The following CTNNA3 variants were observed in gnomAD, a reference collection of about 807,000 sequenced individuals.
CTNNA3 encodes the protein catenin alpha 3.
Under a neutral mutation model 95.7 loss-of-function variants are expected in CTNNA3, and 76 were observed. The ratio of observed to expected loss-of-function variants is 0.79; its 90% CI spans 0.66 to 0.96. The LOEUF is 0.96. Among genes scored for constraint, CTNNA3 ranks in the 40% least tolerant of loss-of-function variants. The pLI is 0.00. For synonymous variants in CTNNA3, 431 were observed against 374.4 expected (o/e 1.15, Z -1.74); for missense variants, 1,191 against 1,089.8 (o/e 1.09, Z -1.31).
rs1848207659 is a variant in CTNNA3, at chr10:67,481,110, T to C, written c.579+40732A>G. Among the ~76,000 whole-genome samples the C allele has an allele frequency of 2.0e-5, 3 of 152,156 alleles. No individual in the cohort carries two copies. In the South Asian group the frequency reaches 6.2e-4, roughly 32 times the overall value. On this transcript the variant is annotated intron_variant, in intron 5 of 17. Coordinates refer to ENST00000433211, the MANE Select transcript of CTNNA3 (RefSeq NM_013266.4). ...TGGTGAATCACATTTTTTTTGTACA[T>C]GTTGAAGGAAGAGACCTCAAAATAA...
At chr10:66,318,276 A>ATATATATATG (rs33943741) in intron 12 of CTNNA3, among the ~76,000 whole-genome samples, 30 of 136,658 alleles carry the variant, frequency 2.2e-4, no homozygotes, top group African/African-American at 6.5e-4. Context: ...ATATATATAT[A>ATATATATATG]TGTGTGTGTG....
chr10:66,936,382 C>A (rs1847696155), intron 7 of CTNNA3, among the ~76,000 whole-genome samples: 1 of 152,076 alleles, frequency 6.6e-6, no homozygotes, highest in Admixed American at 6.6e-5. Context: ...AATTTACCCT[C>A]CTCTAAGTTT....
intron 17 of CTNNA3, among the ~76,000 whole-genome samples, chr10:65,957,928 C>T (rs1411547084): frequency 6.6e-6 from 1 of 152,120 alleles, no homozygotes; most frequent in South Asian, 2.1e-4. Flanking sequence ...TGAATGTTGG[C>T]CTGCCTTGCT....
chr10:67,602,774 A>T lies in CTNNA3; in HGVS notation c.292+4083T>A, dbSNP rs550708811. Among the ~76,000 whole-genome samples the T allele has an allele frequency of 3.9e-5, 6 of 152,336 alleles. No individual in the cohort carries two copies. The South Asian group carries it at 1.2e-3, about 32-fold the overall frequency. On this transcript the variant is annotated intron_variant, in intron 3 of 17. Transcript: ENST00000433211. ...TATTACCAGACAGTTTATGGAAACT[A>T]TGTTGTCAAATAGATCACATTTTCC...
intron 1 of CTNNA3, among the ~76,000 whole-genome samples, chr10:67,652,099 C>T (rs1839893459): frequency 6.6e-6 from 1 of 152,216 alleles, no homozygotes; most frequent in Non-Finnish European, 1.5e-5. Flanking sequence ...GCTTTCTGGT[C>T]TGCAGATGGC....
At chr10:66,327,292 A>C (rs2092265697) in intron 12 of CTNNA3, among the ~76,000 whole-genome samples, 1 of 152,148 alleles carries the variant, frequency 6.6e-6, no homozygotes, top group African/African-American at 2.4e-5. Flanking sequence ...CAGTGAATAA[A>C]TTGTGTTAAA....
chr10:66,834,306 A>T (rs1564712489), intron 7 of CTNNA3, among the ~76,000 whole-genome samples: 1 of 152,224 alleles, frequency 6.6e-6, no homozygotes. Flanking sequence ...TGTGCAAGAT[A>T]TTACGTCCTA....
At chr10:66,100,795 G>A (rs890552003) in intron 14 of CTNNA3, among the ~76,000 whole-genome samples, 2 of 152,100 alleles carry the variant, frequency 1.3e-5, no homozygotes, top group South Asian at 2.1e-4. Context: ...GTTTACCATC[G>A]TATATAATGT....
At chr10:66,901,143 C>G (rs1277847901) in intron 7 of CTNNA3, among the ~76,000 whole-genome samples, 4 of 152,110 alleles carry the variant, frequency 2.6e-5, no homozygotes, top group Admixed American at 2.6e-4. Context: ...GTCGGGTTAC[C>G]CACAAAAGGA....
intron 13 of CTNNA3, among the ~76,000 whole-genome samples, chr10:66,252,636 T>C (rs979288407): frequency 6.6e-6 from 1 of 152,150 alleles, no homozygotes; most frequent in Non-Finnish European, 1.5e-5. Context: ...GTTTAGAAAA[T>C]TCTTGCAGAA....
At chr10:66,989,656 C>T (rs989446166) in intron 7 of CTNNA3, among the ~76,000 whole-genome samples, 4 of 151,992 alleles carry the variant, frequency 2.6e-5, no homozygotes, top group Admixed American at 2.0e-4. Context: ...GAATAGCTTA[C>T]CTAACGTAAC....
In CTNNA3 at chr10:67,318,863, C is replaced by CA. The variant is rs371955994; in HGVS notation, c.580-98994dup. 3.3e-5 allele frequency among the ~76,000 whole-genome samples: 5 copies of CA among 152,298 alleles called. No individual in the cohort carries two copies. In the East Asian group the frequency reaches 9.7e-4, roughly 29 times the overall value. On this transcript the variant is annotated intron_variant, in intron 5 of 17. Coordinates refer to ENST00000433211, the MANE Select transcript of CTNNA3 (RefSeq NM_013266.4). The stretch of plus-strand genomic sequence containing the variant: ...GCACTTGTCATAATCTAGCTGTTCA[C>CA]AAAAAACTTAACATAGCAGACCTAA...
In CTNNA3 at chr10:66,638,511, C is replaced by T. The variant is rs567451387; in HGVS notation, c.1282-16727G>A. Among the ~76,000 whole-genome samples, 5 of 152,270 alleles carry T rather than the reference C, an allele frequency of 3.3e-5. No individual in the cohort carries two copies. In the East Asian group the frequency reaches 9.6e-4, roughly 29 times the overall value. ...ATTATATTCAATTGATATTAATAGG[C>T]TTAATCTATTCACTTGAAATTAATA... On this transcript the variant is annotated intron_variant, in intron 9 of 17. Coordinates refer to ENST00000433211, the MANE Select transcript of CTNNA3 (RefSeq NM_013266.4).
chr10:66,435,326 C>G (rs1256414114), intron 11 of CTNNA3, among the ~76,000 whole-genome samples: 2 of 152,040 alleles, frequency 1.3e-5, no homozygotes, highest in Non-Finnish European at 2.9e-5. Context: ...AATTTCAGAT[C>G]TTGTTATTGT....
intron 10 of CTNNA3, among the ~76,000 whole-genome samples, chr10:66,573,378 G>A (rs1842923477): frequency 6.6e-6 from 1 of 152,154 alleles, no homozygotes; most frequent in South Asian, 2.1e-4. Context: ...GTTGCTCGCA[G>A]CCCATAGCTT....
At chr10:67,020,743 T>C (rs1194691827) in intron 7 of CTNNA3, among the ~76,000 whole-genome samples, 1 of 152,078 alleles carries the variant, frequency 6.6e-6, no homozygotes, top group South Asian at 2.1e-4. Context: ...ATAATGAAAA[T>C]ACAAACTAGA....
At position 66,069,291 on chromosome 10, in the gene CTNNA3, GT is replaced by G; in HGVS notation, c.2159+16del. The stretch of plus-strand genomic sequence containing the variant: ...TCAGCCATTATGAATATTACACATC[GT>G]TTTCCACATAATTACCTAGTGAAGT... On this transcript the variant is annotated intron_variant, in intron 15 of 17. Transcript: ENST00000433211. 1 of 1,609,112 alleles carries G rather than the reference GT, an allele frequency of 6.2e-7. No individual in the cohort carries two copies. The highest frequency in any genetic ancestry group is 8.5e-7 in the Non-Finnish European group (1 of 1,176,212).
chr10:66,181,759 T>C (rs2086050279), intron 13 of CTNNA3, among the ~76,000 whole-genome samples: 1 of 152,212 alleles, frequency 6.6e-6, no homozygotes, highest in South Asian at 2.1e-4. Context: ...TTTATTTGGT[T>C]TTTGAGTTGG....
intron 9 of CTNNA3, among the ~76,000 whole-genome samples, chr10:66,672,343 G>A (rs867798021): frequency 3.9e-5 from 6 of 152,070 alleles, no homozygotes; most frequent in South Asian, 4.2e-4. Flanking sequence ...CTGCTCTTAC[G>A]GAGTTCACAG....
Sources: gnomAD v4.1 joint callset for allele counts (sites outside exome capture counted in the v4.1 genomes callset) on GRCh38, gnomAD v4.1.1 for gene constraint, MANE v1.5 for transcripts, NCBI Gene and HGNC (gene_info 2026-07-23, HGNC 2026-07-21) for gene names.